RNF216: variants seen among roughly 807,000 people sequenced by gnomAD.
RNF216 encodes the protein E3 ubiquitin-protein ligase RNF216.
In RNF216, 72 loss-of-function variants were observed where a neutral mutation model predicts 110.8. That is an observed-to-expected ratio of 0.65 (90% CI 0.54 to 0.79). RNF216 has a LOEUF of 0.79. Ranked by LOEUF, RNF216 falls within the 30% of genes least tolerant of loss-of-function variation. The probability of loss-of-function intolerance (pLI) is 0.00; values close to 1 mark genes in which losing one functional copy is unlikely to be tolerated. For synonymous variants in RNF216, 495 were observed against 407.5 expected, an observed-to-expected ratio of 1.21 and a Z score of -2.59; for missense variants, 1,342 against 1,141.2, an observed-to-expected ratio of 1.18 and a Z score of -2.54.
rs140143477 is a variant in RNF216, at chr7:5,723,247, C to A, written c.1505-2075G>T. On this transcript the variant is annotated intron_variant, in intron 8 of 16. Transcript: ENST00000389902. ...TTAATTACTGTAATTATCAATGCTA[C>A]AAATTAAAAAAATTTTCACCTATTA... Among the ~76,000 whole-genome samples the A allele has an allele frequency of 2.5e-3, 381 of 152,248 alleles. 2 individuals are homozygous for A. The highest frequency in any genetic ancestry group is 4.3e-3 in the Non-Finnish European group (293 of 68,022).
intron 13 of RNF216, among the ~76,000 whole-genome samples, chr7:5,709,506 C>G (rs1792524192): frequency 1.3e-5 from 2 of 152,194 alleles, no homozygotes; most frequent in African/African-American, 4.8e-5. Context: ...GACACTACCC[C>G]ACACCACATG....
chr7:5,745,805 G>A (rs1448528378), intron 3 of RNF216, among the ~76,000 whole-genome samples: 1 of 151,500 alleles, frequency 6.6e-6, no homozygotes, highest in African/African-American at 2.4e-5. Flanking sequence ...GGGAGGCTGA[G>A]GCAGGATAAT....
chr7:5,653,412 C>T (rs1369300884), intron 13 of RNF216, among the ~76,000 whole-genome samples: 1 of 151,672 alleles, frequency 6.6e-6, no homozygotes, highest in Non-Finnish European at 1.5e-5. Flanking sequence ...TCCTGGCTAA[C>T]ACGGTGAAAC....
At chr7:5,645,443 GCTC>G (rs1037046597) in intron 14 of RNF216, among the ~76,000 whole-genome samples, 3 of 151,810 alleles carry the variant, frequency 2.0e-5, no homozygotes, top group African/African-American at 7.3e-5. Context: ...TTTTCTTTCT[GCTC>G]CTCCTCCAAC....
chr7:5,763,916 C>G (rs905640845), intron 1 of RNF216, among the ~76,000 whole-genome samples: 5 of 152,068 alleles, frequency 3.3e-5, no homozygotes, highest in African/African-American at 4.8e-5. Flanking sequence ...CGGCAGGGCA[C>G]GACAGCTCAT....
intron 1 of RNF216, among the ~76,000 whole-genome samples, chr7:5,772,993 T>G (rs895707926): frequency 6.6e-6 from 1 of 152,080 alleles, no homozygotes; most frequent in Non-Finnish European, 1.5e-5. Context: ...TTGGCCAGGC[T>G]AGTCTCGAAC....
chr7:5,701,278 T>C lies in RNF216; in HGVS notation c.2061+10483A>G, dbSNP rs939137004. 2.0e-5 allele frequency among the ~76,000 whole-genome samples: 3 copies of C among 152,326 alleles called. No individual in the cohort carries two copies. In the East Asian group the frequency reaches 5.8e-4, roughly 29 times the overall value. On this transcript the variant is annotated intron_variant, in intron 13 of 16. Transcript: ENST00000389902. ...ACATGGCAGAACACTGGGGAGCTGG[T>C]AGAAATGAGTTGAGTGGTGAGTGAT...
At chr7:5,754,120 G>T (rs1031545399) in intron 2 of RNF216, among the ~76,000 whole-genome samples, 2 of 6,068 alleles carry the variant, frequency 3.3e-4, no homozygotes, top group African/African-American at 1.0e-3. Context: ...CTTTTGTGTG[G>T]TGTGTGTGTG....
chr7:5,676,737 G>T (rs971490153), intron 13 of RNF216, among the ~76,000 whole-genome samples: 2 of 152,196 alleles, frequency 1.3e-5, no homozygotes, highest in African/African-American at 2.4e-5. Context: ...CCTAACAACT[G>T]GGAGAGAAAG....
At position 5,760,960 on chromosome 7, in the gene RNF216, A is replaced by G. The variant is rs529326417; in HGVS notation, c.67+43T>C. On this transcript the variant is annotated intron_variant, in intron 2 of 16. Transcript: ENST00000389902. ...AAGATACAGCTGTGATACTAAAAGA[A>G]AAAGCCACAGGGAAAGGGATGAAGT... The G allele has an allele frequency of 7.5e-6, 11 of 1,470,486 alleles. No homozygotes were observed. The African/African-American group carries it at 1.6e-4, about 21-fold the overall frequency. 91.1% of individuals were successfully genotyped at this position (1,470,486 alleles called of 1,614,324 possible).
In RNF216 at chr7:5,641,270, T is replaced by C; in HGVS notation, c.2266A>G (p.Met756Val). ...NRMSCRCGAQ[M>V]CYLCRVSING... ...ATAGAAACTCGACAGAGGTAGCACA[T>C]CTGGGCACCACAGCGGCAAGACATG... The change falls in exon 15 of 17, where the codon ATG (methionine) becomes GTG (valine). Residue 756 changes from methionine to valine, a missense_variant. Transcript: ENST00000389902. The C allele has an allele frequency of 6.2e-7, 1 of 1,614,104 alleles. No individual in the cohort carries two copies.
At chr7:5,659,382 C>T (rs933943692) in intron 13 of RNF216, among the ~76,000 whole-genome samples, 8 of 152,232 alleles carry the variant, frequency 5.3e-5, no homozygotes, top group East Asian at 1.9e-4. Flanking sequence ...AAGGAGGAGT[C>T]GGCCAGGTAT....
chr7:5,692,587 C>T (rs905929347), intron 13 of RNF216, among the ~76,000 whole-genome samples: 2 of 152,154 alleles, frequency 1.3e-5, no homozygotes, highest in Non-Finnish European at 2.9e-5. Context: ...AGAAGGCGAG[C>T]GAGGAGAAAG....
chr7:5,670,744 C>G (rs1789851399), intron 13 of RNF216, among the ~76,000 whole-genome samples: 1 of 152,210 alleles, frequency 6.6e-6, no homozygotes, highest in African/African-American at 2.4e-5. Context: ...TGTGACTTCC[C>G]TCTCATCTTT....
At chr7:5,738,160 G>A (rs1794542457) in intron 5 of RNF216, among the ~76,000 whole-genome samples, 2 of 149,862 alleles carry the variant, frequency 1.3e-5, no homozygotes, top group Admixed American at 1.3e-4. Context: ...AGGGGAAAGA[G>A]TATATTTTTC....
chr7:5,735,663 T>C (rs1794353727), intron 5 of RNF216, among the ~76,000 whole-genome samples: 2 of 151,924 alleles, frequency 1.3e-5, no homozygotes, highest in Admixed American at 1.3e-4. Flanking sequence ...GACATGGAGA[T>C]TGTGGGAGAA....
chr7:5,731,108 A>G (rs1239002943), intron 5 of RNF216, among the ~76,000 whole-genome samples: 1 of 152,250 alleles, frequency 6.6e-6, no homozygotes, highest in African/African-American at 2.4e-5. Context: ...AGTCACTGAA[A>G]CTATTATTGG....
chr7:5,673,601 G>A (rs771090256), intron 13 of RNF216, among the ~76,000 whole-genome samples: 4 of 152,208 alleles, frequency 2.6e-5, no homozygotes, highest in Non-Finnish European at 4.4e-5. Flanking sequence ...CCCAGAATGA[G>A]GGTCTGCAAG....
intron 1 of RNF216, among the ~76,000 whole-genome samples, chr7:5,781,261 G>A (rs942670377): frequency 1.3e-5 from 2 of 152,226 alleles, no homozygotes; most frequent in African/African-American, 2.4e-5. Flanking sequence ...AGACCCGAGG[G>A]GCCGGCCCGC....
Sources: gnomAD v4.1 joint callset for allele counts (sites outside exome capture counted in the v4.1 genomes callset) on GRCh38, gnomAD v4.1.1 for gene constraint, MANE v1.5 for transcripts, NCBI Gene and HGNC (gene_info 2026-07-23, HGNC 2026-07-21) for gene names.